Variants in GDF10 observed in about 807,000 individuals in gnomAD.
The protein encoded by GDF10 is growth/differentiation factor 10.
In GDF10, 23 loss-of-function variants were observed where a neutral mutation model predicts 32.1. That is an observed-to-expected ratio of 0.72 (90% CI 0.52 to 1.02). The LOEUF (loss-of-function observed/expected upper bound fraction) is 1.02, where lower values mean the gene tolerates loss of function less well. GDF10 is among the 50% of genes least tolerant of loss of function. GDF10 has a pLI of 0.00. For synonymous variants in GDF10, 328 were observed against 303.1 expected, an observed-to-expected ratio of 1.08 and a Z score of -0.85; for missense variants, 764 against 673.9, an observed-to-expected ratio of 1.13 and a Z score of -1.48.
At chr10:47,311,419 A>T (rs1405801475) in intron 2 of GDF10, among the ~76,000 whole-genome samples, 2 of 152,214 alleles carry the variant, frequency 1.3e-5, no homozygotes, top group African/African-American at 2.4e-5. Context: ...CTCGGCACTC[A>T]GCACACAGTT....
chr10:47,309,074 TC>T (rs1387387220), intron 1 of GDF10, among the ~76,000 whole-genome samples: 1 of 152,122 alleles, frequency 6.6e-6, no homozygotes, highest in Non-Finnish European at 1.5e-5. Context: ...GGTTGAGACG[TC>T]CCGGTCTTTA....
At chr10:47,306,218 A>G (rs2061022630) in intron 1 of GDF10, among the ~76,000 whole-genome samples, 1 of 152,232 alleles carries the variant, frequency 6.6e-6, no homozygotes, top group Non-Finnish European at 1.5e-5. Flanking sequence ...TCAGAATGTC[A>G]TAATTAATAA....
chr10:47,304,936 A>G (rs1555207088), intron 1 of GDF10, among the ~76,000 whole-genome samples: 3 of 152,190 alleles, frequency 2.0e-5, no homozygotes, highest in Non-Finnish European at 4.4e-5. Context: ...TTTCACTTCT[A>G]ATAGAGAATT....
At chr10:47,306,361 A>G (rs1361520901) in intron 1 of GDF10, among the ~76,000 whole-genome samples, 1 of 152,194 alleles carries the variant, frequency 6.6e-6, no homozygotes, top group East Asian at 1.9e-4. Context: ...GGATTCCTTG[A>G]CTTCTTAAGG....
intron 1 of GDF10, among the ~76,000 whole-genome samples, chr10:47,304,741 A>G (rs895294785): frequency 6.6e-6 from 1 of 152,222 alleles, no homozygotes; most frequent in Non-Finnish European, 1.5e-5. Flanking sequence ...TATTTTCAGC[A>G]TGCAGGTAAA....
In GDF10 at chr10:47,300,771, G is replaced by C; in HGVS notation, c.120G>C (p.Trp40Cys). Residue 40 changes from tryptophan (W) to cysteine (C), a missense_variant, in exon 1 of 3, where the codon TGG becomes TGC. By Grantham distance (215) the Trp-to-Cys change is radical. Coordinates refer to ENST00000580279, the MANE Select transcript of GDF10 (RefSeq NM_004962.5). The part of the protein sequence containing the change: ...DVAGSHRAPA[W>C]SALPAAADGL... Reference sequence around the variant, plus strand: ...CCGGCAGCCACAGGGCCCCCGCCTGGTCCGCACTGCCCGCGGCCGCCGACG... The same window carrying C: ...CCGGCAGCCACAGGGCCCCCGCCTGCTCCGCACTGCCCGCGGCCGCCGACG... The C allele has an allele frequency of 6.4e-7, 1 of 1,570,966 alleles. No homozygotes were observed. Among genetic ancestry groups the C allele is most frequent in the Non-Finnish European group, 8.6e-7 (1 of 1,162,964 alleles).
intron 2 of GDF10, among the ~76,000 whole-genome samples, chr10:47,311,532 G>A (rs1272672187): frequency 2.6e-5 from 4 of 152,240 alleles, no homozygotes; most frequent in African/African-American, 9.6e-5. Context: ...TCAGCCAGCT[G>A]GGGAAGTCCA....
chr10:47,301,041 G>A, intron 1 of GDF10, 71 bp downstream of exon 1: 4 of 1,041,176 alleles, frequency 3.8e-6, no homozygotes, highest in East Asian at 3.1e-5. Context: ...CTCCCCACCC[G>A]TGCACCTCTA....
chr10:47,310,606 C>T lies in GDF10; in HGVS notation c.1130C>T (p.Ser377Phe). 6.2e-7 allele frequency: 1 copy of T among 1,614,080 alleles called. No homozygotes were observed. Among genetic ancestry groups the T allele is most frequent in the Non-Finnish European group, 8.5e-7 (1 of 1,179,916 alleles). Residue 377 changes from serine (S) to phenylalanine (F), a missense_variant, in exon 2 of 3, where the codon TCC becomes TTC. Ser to Phe is a radical substitution (Grantham distance 155, BLOSUM62 -2). Coordinates refer to ENST00000580279, the MANE Select transcript of GDF10 (RefSeq NM_004962.5). ...CAGTGGGATGAGCCGAGGGTGTGCT[C>T]CCGGAGGTACCTGAAGGTGGACTTC... ...RKQWDEPRVCSRRYLKVDFAD... is the reference protein window; with the variant it reads ...RKQWDEPRVCFRRYLKVDFAD...
Position 47,300,523 on chromosome 10 carries a change from T to A in GDF10, c.-129T>A. 1 of 800,440 alleles carries A rather than the reference T, an allele frequency of 1.2e-6. No homozygotes were observed. The highest frequency in any genetic ancestry group is 3.4e-5 in the Admixed American group (1 of 29,346). The allele number at this position is 800,440 out of a possible 1,614,324, so 49.6% of individuals were successfully genotyped here. On this transcript the variant is annotated 5_prime_UTR_variant, in exon 1 of 3. Transcript: ENST00000580279. ...GCCCCTCGCCCCGCGCGGACCTCGGTATCCAGCGCCCTGCTGCCCGGGCTC... is the reference window on the plus strand; with the variant it reads ...GCCCCTCGCCCCGCGCGGACCTCGGAATCCAGCGCCCTGCTGCCCGGGCTC...
In GDF10 at chr10:47,300,661, G is replaced by A; in HGVS notation, c.10G>A (p.Val4Ile). ...CCGCCCTCACCACGCCATGGCTCATGTCCCCGCTCGGACCAGCCCGGGACC... is the reference window on the plus strand; with the variant it reads ...CCGCCCTCACCACGCCATGGCTCATATCCCCGCTCGGACCAGCCCGGGACC... Reference protein sequence around the residue: MAHVPARTSPGPGP... With the variant: MAHIPARTSPGPGP... The change falls in exon 1 of 3, where the codon GTC (valine) becomes ATC (isoleucine). Residue 4 changes from valine to isoleucine, a missense_variant. Transcript: ENST00000580279. 6.3e-7 allele frequency: 1 copy of A among 1,597,950 alleles called. No individual in the cohort carries two copies. The highest frequency in any genetic ancestry group is 2.3e-5 in the East Asian group (1 of 43,570).
chr10:47,310,771 T>C (rs545060282), intron 2 of GDF10, 50 bp downstream of exon 2: 9 of 1,259,920 alleles, frequency 7.1e-6, no homozygotes, highest in Non-Finnish European at 1.0e-5. Flanking sequence ...GCTCTGCCGC[T>C]ACCGTCAAGT....
Position 47,312,546 on chromosome 10 carries a change from G to A in GDF10, c.1246-55G>A. 22 of 1,151,154 alleles carry A rather than the reference G, an allele frequency of 1.9e-5. 1 individual carries two copies. In the South Asian group the frequency reaches 2.0e-4, roughly 11 times the overall value. The allele number at this position is 1,151,154 out of a possible 1,614,324, so 71.3% of individuals were successfully genotyped here. ...CTGGGACTGTGAGGATGGCATGGGT[G>A]CGTGGGTGGGTGAGGGCGGAGCTGA... On this transcript the variant is annotated intron_variant, in intron 2 of 2. Transcript: ENST00000580279.
intron 1 of GDF10, among the ~76,000 whole-genome samples, chr10:47,306,354 T>C (rs1273729894): frequency 1.3e-5 from 2 of 152,266 alleles, no homozygotes; most frequent in Non-Finnish European, 2.9e-5. Context: ...AGAATGAGGA[T>C]TCCTTGACTT....
At chr10:47,303,080 T>C (rs551754113) in intron 1 of GDF10, among the ~76,000 whole-genome samples, 1 of 152,312 alleles carries the variant, frequency 6.6e-6, no homozygotes, top group African/African-American at 2.4e-5. Flanking sequence ...TTCATCTGAG[T>C]GTTTCATGCC....
chr10:47,302,528 G>C (rs992846522), intron 1 of GDF10, among the ~76,000 whole-genome samples: 2 of 152,198 alleles, frequency 1.3e-5, no homozygotes, highest in Non-Finnish European at 1.5e-5. Flanking sequence ...GCTGCAGCCA[G>C]GCATGGAGAT....
Position 47,310,329 on chromosome 10 carries a change from G to A in GDF10, c.853G>A (p.Asp285Asn). The A allele has an allele frequency of 6.2e-7, 1 of 1,606,210 alleles. No individual in the cohort carries two copies. Among genetic ancestry groups the A allele is most frequent in the Non-Finnish European group, 8.5e-7 (1 of 1,176,988 alleles). The change falls in exon 2 of 3, where the codon GAC (aspartate) becomes AAC (asparagine). Residue 285 changes from aspartate to asparagine, a missense_variant. Coordinates refer to ENST00000580279, the MANE Select transcript of GDF10 (RefSeq NM_004962.5). ...EPRAAPNNSA[D>N]PRVRRAAQAT... ...CCGCGCAGCCCCCAACAACTCAGCG[G>A]ACCCCCGCGTGCGCCGAGCCGCGCA...
rs1479701046 is a variant in GDF10 at position 47,300,710 on chromosome 10, T to C, written c.59T>C (p.Leu20Pro). The C allele has an allele frequency of 4.4e-6, 7 of 1,594,758 alleles. No individual in the cohort carries two copies. The highest frequency in any genetic ancestry group is 6.0e-6 in the Non-Finnish European group (7 of 1,173,380). Reference sequence around the variant, plus strand: ...CCCGGGCCCCAGCTGCTGCTGCTGCTGCTGCCGTTGTTTCTGCTGTTGCTC... The same window carrying C: ...CCCGGGCCCCAGCTGCTGCTGCTGCCGCTGCCGTTGTTTCTGCTGTTGCTC... ...PGPGPQLLLL[L>P]LPLFLLLLRD... Residue 20 changes from leucine (L) to proline (P), a missense_variant, in exon 1 of 3, where the codon CTG becomes CCG. By Grantham distance (98) the Leu-to-Pro change is moderately conservative (BLOSUM62 -3). Coordinates refer to ENST00000580279, the MANE Select transcript of GDF10 (RefSeq NM_004962.5).
intron 1 of GDF10, among the ~76,000 whole-genome samples, chr10:47,303,762 C>T (rs1423701763): frequency 2.0e-5 from 3 of 152,188 alleles, no homozygotes; most frequent in Non-Finnish European, 4.4e-5. Context: ...AGCTTTGTCA[C>T]CTACCAATGT....
Sources: gnomAD v4.1 joint callset for allele counts (sites outside exome capture counted in the v4.1 genomes callset) on GRCh38, gnomAD v4.1.1 for gene constraint, MANE v1.5 for transcripts, NCBI Gene and HGNC (gene_info 2026-07-23, HGNC 2026-07-21) for gene names.